HERC2: variants seen among roughly 807,000 people sequenced by gnomAD.
HERC2 encodes the protein HECT and RLD domain containing E3 ubiquitin protein ligase 2.
A neutral mutation model predicts 537.7 loss-of-function variants in HERC2; 102 were observed. The ratio of observed to expected loss-of-function variants is 0.19; its 90% CI spans 0.16 to 0.22. HERC2 has a LOEUF of 0.22. Among genes scored for constraint, HERC2 ranks in the 10% least tolerant of loss-of-function variants. The pLI is 1.00. For missense variants in HERC2, 4,236 were observed against 6,198.2 expected, an observed-to-expected ratio of 0.68 and a Z score of 10.63; for synonymous variants, 2,224 against 2,466.2, an observed-to-expected ratio of 0.90 and a Z score of 2.91.
In HERC2 at chr15:28,265,861, T is replaced by TC; in HGVS notation, c.1711dup (p.Glu571GlyfsTer19). On this transcript the variant is annotated frameshift_variant, in exon 13 of 93. Coordinates refer to ENST00000261609, the MANE Select transcript of HERC2 (RefSeq NM_004667.6). LOFTEE classifies it high-confidence loss of function. This position sits in a 1 kb window ranked among gnomAD's most constrained non-coding sequence, Gnocchi z 4.0. ...GTTCCCGCGGCCCCAGGTGTACAGC[T>TC]CCCCCTCGGCAGTGATGGCCGCACT... is the stretch of plus-strand genomic sequence containing the variant. 1.2e-6 allele frequency: 2 copies of TC among 1,613,942 alleles called. No individual in the cohort carries two copies. The highest frequency in any genetic ancestry group is 1.7e-6 in the Non-Finnish European group (2 of 1,180,004).
chr15:28,199,620 T>C (rs996853338), intron 48 of HERC2, among the ~76,000 whole-genome samples: 3 of 152,194 alleles, frequency 2.0e-5, no homozygotes, highest in Admixed American at 6.5e-5. Flanking sequence ...GTCTAGATGA[T>C]GACGCTAATG....
chr15:28,295,087 A>T (rs2076425576), intron 3 of HERC2, among the ~76,000 whole-genome samples: 1 of 152,124 alleles, frequency 6.6e-6, no homozygotes, highest in Admixed American at 6.5e-5. Context: ...ACTTGTTAGA[A>T]TGGCTCAACT....
At chr15:28,226,486 A>G (rs1901182802) in intron 35 of HERC2, among the ~76,000 whole-genome samples, 1 of 152,104 alleles carries the variant, frequency 6.6e-6, no homozygotes, top group South Asian at 2.1e-4. Context: ...ATTTTTGCCA[A>G]GGGTACCCAG....
In HERC2 at chr15:28,255,858, C is replaced by T. The variant is rs1464810477; in HGVS notation, c.2871+14G>A. 6.3e-7 allele frequency: 1 copy of T among 1,597,264 alleles called. No homozygotes were observed. The stretch of plus-strand genomic sequence containing the variant: ...CAGTGCACCACCAGGTCACGTGTGC[C>T]TCCAAAGCCATACCTGGATCTCTGC... On this transcript the variant is annotated intron_variant, in intron 19 of 92. Coordinates refer to ENST00000261609, the MANE Select transcript of HERC2 (RefSeq NM_004667.6).
intron 44 of HERC2, among the ~76,000 whole-genome samples, chr15:28,209,004 A>G (rs1898807888): frequency 6.6e-6 from 1 of 152,246 alleles, no homozygotes; most frequent in African/African-American, 2.4e-5. Context: ...TTTCTATTAA[A>G]AGTGACACAA....
intron 86 of HERC2, among the ~76,000 whole-genome samples, chr15:28,119,166 C>T (rs9707952): frequency 0.85 from 128,857 of 151,576 alleles, 58,142 homozygotes; most frequent in Non-Finnish European, 0.99. Flanking sequence ...GAGGCCGAGG[C>T]GAGTGGATCA....
At chr15:28,174,359 C>T (rs1215846374) in intron 65 of HERC2, 36 bp downstream of exon 65, 2 of 1,510,032 alleles carry the variant, frequency 1.3e-6, no homozygotes, top group South Asian at 2.4e-5. Context: ...TGTAAACCTA[C>T]AGAAAAATCT....
At chr15:28,227,427 A>T (rs1213014336) in intron 35 of HERC2, among the ~76,000 whole-genome samples, 1 of 150,418 alleles carries the variant, frequency 6.6e-6, no homozygotes, top group Admixed American at 6.7e-5. Flanking sequence ...ATGAGACACC[A>T]CTTCACACCC....
intron 4 of HERC2, among the ~76,000 whole-genome samples, chr15:28,292,105 T>G (rs1042241578): frequency 4.4e-4 from 67 of 151,186 alleles, no homozygotes; most frequent in African/African-American, 1.6e-3. Context: ...GGCGGACACC[T>G]GTAATCCCAG....
chr15:28,123,912 C>CGGA, intron 85 of HERC2, 125 bp downstream of exon 85: 1 of 689,292 alleles, frequency 1.5e-6, no homozygotes, highest in Non-Finnish European at 2.2e-6. Flanking sequence ...ATGCAGGAGG[C>CGGA]ATTCCGTGAA....
At position 28,257,067 on chromosome 15, in the gene HERC2, T is replaced by G. The variant is rs964907397; in HGVS notation, c.2511A>C (p.Arg837=). Residue 837 remains arginine (R), a synonymous_variant, in exon 17 of 93, where the codon CGA becomes CGC. Transcript: ENST00000261609. The part of the protein sequence containing the change: ...CVAVATLNLL[R]LQLHAAISHQ... ...GAAGGGAAATCATGAATACCTGAAG[T>G]CGTAGAAGATTCAGCGTTGCCACGG... The G allele has an allele frequency of 6.2e-7, 1 of 1,613,116 alleles. No individual in the cohort carries two copies. Among genetic ancestry groups the G allele is most frequent in the Non-Finnish European group, 8.5e-7 (1 of 1,179,212 alleles).
At chr15:28,154,209 CT>C (rs1892752363) in intron 69 of HERC2, among the ~76,000 whole-genome samples, 1 of 152,168 alleles carries the variant, frequency 6.6e-6, no homozygotes, top group East Asian at 1.9e-4. Flanking sequence ...AATGCCCATT[CT>C]ATACTTTTTA....
intron 65 of HERC2, among the ~76,000 whole-genome samples, chr15:28,172,186 A>G (rs1379378640): frequency 6.6e-6 from 1 of 152,182 alleles, no homozygotes; most frequent in Non-Finnish European, 1.5e-5. Context: ...AAGACTGAAT[A>G]CTGTGAATCC....
chr15:28,236,956 T>C lies in HERC2; in HGVS notation c.4003+7A>G. The C allele has an allele frequency of 6.2e-7, 1 of 1,611,288 alleles. No individual in the cohort carries two copies. Among genetic ancestry groups the C allele is most frequent in the Non-Finnish European group, 8.5e-7 (1 of 1,179,310 alleles). ...TGCTGATCAGCAAAAAGCAAAGATT[T>C]TCTTACTGGCACATTCAATCTCGAC... On this transcript the variant is annotated splice_region_variant and intron_variant, in intron 26 of 92. Transcript: ENST00000261609.
intron 14 of HERC2, among the ~76,000 whole-genome samples, chr15:28,263,968 G>A (rs186663936): frequency 3.4e-5 from 5 of 145,052 alleles, no homozygotes; most frequent in African/African-American, 1.3e-4. Flanking sequence ...GCGGCGAGCC[G>A]AGATTGCACC....
chr15:28,309,849 A>C (rs1475221665), intron 2 of HERC2, among the ~76,000 whole-genome samples: 1 of 152,222 alleles, frequency 6.6e-6, no homozygotes, highest in Non-Finnish European at 1.5e-5. Context: ...AAACCAAGCC[A>C]GCATCCTTCA....
chr15:28,209,712 T>G (rs1298128516), intron 44 of HERC2, among the ~76,000 whole-genome samples: 2 of 152,122 alleles, frequency 1.3e-5, no homozygotes, highest in Non-Finnish European at 2.9e-5. Flanking sequence ...CTACACCATT[T>G]TATAGAAGGG....
At chr15:28,116,902 C>G in intron 87 of HERC2, 43 bp from the exon 88 acceptor site, 1 of 1,608,432 alleles carries the variant, frequency 6.2e-7, no homozygotes, top group Non-Finnish European at 8.5e-7. Context: ...TCACACAGTC[C>G]TGTGTAAAGA....
rs188602957 is a variant in HERC2, at chr15:28,271,384, T to C, written c.1084-516A>G. On this transcript the variant is annotated intron_variant, in intron 9 of 92. Coordinates refer to ENST00000261609, the MANE Select transcript of HERC2 (RefSeq NM_004667.6). The stretch of plus-strand genomic sequence containing the variant: ...GTTTAAAGACTGCCAAATAATAGGC[T>C]GGGCATGGTGGCTCACGCCTGTAAT... Among the ~76,000 whole-genome samples, 602 of 152,354 alleles carry C rather than the reference T, an allele frequency of 4.0e-3. 4 individuals carry two copies. Among genetic ancestry groups the C allele is most frequent in the African/African-American group, 0.014 (571 of 41,582 alleles).
Sources: gnomAD v4.1 joint callset for allele counts (sites outside exome capture counted in the v4.1 genomes callset) on GRCh38, gnomAD v4.1.1 for gene constraint, Gnocchi (gnomAD v3.1) non-coding constraint, MANE v1.5 for transcripts, NCBI Gene and HGNC (gene_info 2026-07-23, HGNC 2026-07-21) for gene names.